Variants in ATXN3 observed in about 807,000 individuals in gnomAD.
ATXN3 encodes ataxin-3.
In ATXN3, 28 loss-of-function variants were observed where a neutral mutation model predicts 58.2. The ratio of observed to expected loss-of-function variants is 0.48; its 90% CI spans 0.36 to 0.66. The LOEUF is 0.66. Among genes scored for constraint, ATXN3 ranks in the 30% least tolerant of loss-of-function variants. The pLI is 0.00. For synonymous variants in ATXN3, 113 were observed against 138.5 expected (o/e 0.82, Z 1.29); for missense variants, 321 against 422.1 (o/e 0.76, Z 2.10).
chr14:92,061,799 C>T lies in ATXN3; in HGVS notation c.*2521G>A, dbSNP rs1555393335. The T allele has an allele frequency of 6.6e-6, 1 of 152,124 alleles. No homozygotes were observed. Among genetic ancestry groups the T allele is most frequent in the Non-Finnish European group, 1.5e-5 (1 of 68,022 alleles). 9.4% of individuals were successfully genotyped at this position (152,124 alleles called of 1,614,324 possible). A position where few individuals can be genotyped will look rare whatever the true frequency, so the allele number is the denominator to read the frequency against. On this transcript the variant is annotated 3_prime_UTR_variant, in exon 11 of 11. Transcript: ENST00000644486. The stretch of plus-strand genomic sequence containing the variant: ...CTGGCATCTTTTCATACTGGCCAAT[C>T]AATTAAGAAATGGAATCTAAACAGT...
chr14:92,089,483 C>T lies in ATXN3; in HGVS notation c.388-666G>A, dbSNP rs542204082. 9.9e-5 allele frequency among the ~76,000 whole-genome samples: 15 copies of T among 151,778 alleles called. No homozygotes were observed. The South Asian group carries it at 2.5e-3, about 25-fold the overall frequency. On this transcript the variant is annotated intron_variant, in intron 5 of 10. Transcript: ENST00000644486. ...CCTCCCGAGTAGCTGGGACTACAGGCGCACGCCGCCACACCCAGCTATTTT... is the reference window on the plus strand; with the variant it reads ...CCTCCCGAGTAGCTGGGACTACAGGTGCACGCCGCCACACCCAGCTATTTT...
At chr14:92,099,601 G>T (rs1185140427) in intron 1 of ATXN3, among the ~76,000 whole-genome samples, 1 of 152,202 alleles carries the variant, frequency 6.6e-6, no homozygotes, top group Non-Finnish European at 1.5e-5. Flanking sequence ...GGCTGCGGTG[G>T]CTCATGCCTG....
intron 8 of ATXN3, among the ~76,000 whole-genome samples, chr14:92,081,500 AAAAG>A (rs1244717254): frequency 2.7e-4 from 41 of 151,404 alleles, no homozygotes; most frequent in African/African-American, 9.0e-4. Context: ...AGAAAAAAAA[AAAAG>A]AAAGAAATCT....
Position 92,083,112 on chromosome 14 carries a change from G to A in ATXN3, c.608+14C>T. 1 of 1,605,524 alleles carries A rather than the reference G, an allele frequency of 6.2e-7. No individual in the cohort carries two copies. The highest frequency in any genetic ancestry group is 8.5e-7 in the Non-Finnish European group (1 of 1,177,734). On this transcript the variant is annotated intron_variant, in intron 7 of 10. Transcript: ENST00000644486. Reference sequence around the variant, plus strand: ...ATACTACCATATATTCCATACTGCAGGCCTCATTTTTACCTTTGCTCTTTT... The same window carrying A: ...ATACTACCATATATTCCATACTGCAAGCCTCATTTTTACCTTTGCTCTTTT...
In ATXN3 at chr14:92,080,189, T is replaced by C. The variant is rs56080207; in HGVS notation, c.872+776A>G. On this transcript the variant is annotated intron_variant, in intron 9 of 10. Coordinates refer to ENST00000644486, the MANE Select transcript of ATXN3 (RefSeq NM_004993.6). Reference sequence around the variant, plus strand: ...GGTTTTAGGAGTTGATCCAGATTTATGGTTTGCATCCATTCCCCTGATGCT... The same window carrying C: ...GGTTTTAGGAGTTGATCCAGATTTACGGTTTGCATCCATTCCCCTGATGCT... 3.3e-5 allele frequency among the ~76,000 whole-genome samples: 5 copies of C among 152,320 alleles called. No homozygotes were observed. In the East Asian group the frequency reaches 9.6e-4, roughly 29 times the overall value.
At chr14:92,048,502 AG>A (rs1454549277) in intron 1 of ATXN3, among the ~76,000 whole-genome samples, 3 of 152,234 alleles carry the variant, frequency 2.0e-5, no homozygotes, top group Non-Finnish European at 4.4e-5. Context: ...AAAGTGTCCA[AG>A]GGTTGTTGCC....
chr14:92,093,029 CTTTGTT>C (rs1001198420), intron 5 of ATXN3, among the ~76,000 whole-genome samples: 10 of 142,308 alleles, frequency 7.0e-5, no homozygotes, highest in Non-Finnish European at 1.4e-4. Flanking sequence ...ATGCCTGGCT[CTTTGTT>C]TTTTTTTTTA....
At chr14:92,050,143 C>CGTGTGTGTGTGT (rs35730721), upstream of ATXN3, among the ~76,000 whole-genome samples, 1,330 of 147,670 alleles carry the variant, frequency 9.0e-3, 29 homozygotes, top group African/African-American at 0.031. Flanking sequence ...ACTTTGCTCT[C>CGTGTGTGTGTGT]GTGTGTGTGT....
intron 6 of ATXN3, among the ~76,000 whole-genome samples, chr14:92,086,111 C>A (rs2062431017): frequency 1.3e-5 from 2 of 151,940 alleles, no homozygotes; most frequent in African/African-American, 4.8e-5. Flanking sequence ...TCTCCAAATA[C>A]CATTACTAAA....
At chr14:92,084,085 T>C (rs529468483) in intron 6 of ATXN3, among the ~76,000 whole-genome samples, 1 of 152,202 alleles carries the variant, frequency 6.6e-6, no homozygotes, top group Non-Finnish European at 1.5e-5. Context: ...TTTGAGGTTT[T>C]GGGACTTGGA....
chr14:92,066,090 TAAAAA>T (rs112122875), intron 10 of ATXN3, among the ~76,000 whole-genome samples: 2 of 143,042 alleles, frequency 1.4e-5, no homozygotes, highest in Admixed American at 6.9e-5. Context: ...AGTGTAATAC[TAAAAA>T]AAAAATAAAT....
chr14:92,096,861 T>C, intron 1 of ATXN3, 23 bp from the exon 2 acceptor site: 3 of 1,605,892 alleles, frequency 1.9e-6, no homozygotes, highest in Non-Finnish European at 2.6e-6. Context: ...AAAGAAAAAA[T>C]TAAAATGTGA....
At chr14:92,072,694 TAAAAA>T (rs33967699) in intron 9 of ATXN3, among the ~76,000 whole-genome samples, 1,126 of 90,944 alleles carry the variant, frequency 0.012, 14 homozygotes, top group African/African-American at 0.045. Flanking sequence ...AGCTATAGGT[TAAAAA>T]AAAAAAAAAA....
chr14:92,086,320 T>C (rs1435402833), intron 6 of ATXN3, among the ~76,000 whole-genome samples: 1 of 134,844 alleles, frequency 7.4e-6, no homozygotes, highest in Non-Finnish European at 1.6e-5. Flanking sequence ...CCCAGCACTT[T>C]AGGGGGCCGA....
chr14:92,067,609 C>A (rs1373319052), intron 10 of ATXN3, among the ~76,000 whole-genome samples: 1 of 152,316 alleles, frequency 6.6e-6, no homozygotes, highest in East Asian at 1.9e-4. Context: ...GCTGGCCAGG[C>A]TGGTCTTGAA....
chr14:92,070,762 T>TG, intron 10 of ATXN3, 173 bp downstream of exon 10: 1 of 1,318,210 alleles, frequency 7.6e-7, no homozygotes, highest in Non-Finnish European at 9.9e-7. Context: ...TTTTTTTTTC[T>TG]TTTGGTAACT....
At chr14:92,050,143 C>CGTGTGTGT (rs35730721), upstream of ATXN3, among the ~76,000 whole-genome samples, 299 of 147,692 alleles carry the variant, frequency 2.0e-3, 1 homozygote, top group African/African-American at 5.7e-3. Flanking sequence ...ACTTTGCTCT[C>CGTGTGTGT]GTGTGTGTGT....
Position 92,064,165 on chromosome 14 carries a change from C to T in ATXN3, c.*155G>A. 1.9e-6 allele frequency: 1 copy of T among 525,084 alleles called. No homozygotes were observed. The highest frequency in any genetic ancestry group is 1.9e-5 in the African/African-American group (1 of 51,652). 32.5% of individuals were successfully genotyped at this position (525,084 alleles called of 1,614,324 possible). A position where few individuals can be genotyped will look rare whatever the true frequency, so the allele number is the denominator to read the frequency against. Reference sequence around the variant, plus strand: ...GGAAGATCATTATTTAGTCCTACAACCGACGCATTGTTCCACTTTCCCATC... The same window carrying T: ...GGAAGATCATTATTTAGTCCTACAATCGACGCATTGTTCCACTTTCCCATC... On this transcript the variant is annotated 3_prime_UTR_variant, in exon 11 of 11. Coordinates refer to ENST00000644486, the MANE Select transcript of ATXN3 (RefSeq NM_004993.6).
intron 9 of ATXN3, among the ~76,000 whole-genome samples, chr14:92,076,169 A>G (rs8018900): frequency 1 from 152,084 of 152,334 alleles, 75,917 homozygotes; most frequent in Middle Eastern, 1. Flanking sequence ...GTTCAGGCCG[A>G]GTGCAGTGGC....
Sources: allele counts gnomAD v4.1 joint callset (sites outside exome capture counted in the v4.1 genomes callset), GRCh38; gene constraint gnomAD v4.1.1; transcripts MANE v1.5; gene names NCBI Gene and HGNC (gene_info 2026-07-23, HGNC 2026-07-21).